Variants in RGSL1 observed in about 807,000 individuals in gnomAD.
RGSL1 encodes regulator of G protein signaling like 1.
RGSL1 carries 97 observed loss-of-function variants against 124.7 expected under a neutral mutation model. The ratio of observed to expected loss-of-function variants is 0.78; its 90% confidence interval spans 0.66 to 0.92. The LOEUF (loss-of-function observed/expected upper bound fraction) is 0.92, where lower values mean the gene tolerates loss of function less well. Among genes scored for constraint, RGSL1 ranks in the 40% least tolerant of loss-of-function variants. RGSL1 has a pLI of 0.00. For synonymous variants in RGSL1, 424 were observed against 438.1 expected (o/e 0.97, Z 0.40); for missense variants, 1,233 against 1,288.4 (o/e 0.96, Z 0.66).
chr1:182,548,043 G>A (rs1660325918), intron 15 of RGSL1, among the ~76,000 whole-genome samples: 2 of 152,212 alleles, frequency 1.3e-5, no homozygotes, highest in South Asian at 4.1e-4. Flanking sequence ...GTGCAATGCT[G>A]TAGGGCCAGA....
intron 15 of RGSL1, among the ~76,000 whole-genome samples, chr1:182,544,510 G>A (rs1262629416): frequency 6.6e-6 from 1 of 151,960 alleles, no homozygotes; most frequent in Non-Finnish European, 1.5e-5. Flanking sequence ...AGGCCTATTT[G>A]GTGTGGTGTG....
intron 8 of RGSL1, among the ~76,000 whole-genome samples, chr1:182,492,614 C>A (rs1273908166): frequency 1.4e-5 from 2 of 146,156 alleles, no homozygotes; most frequent in African/African-American, 5.1e-5. Context: ...ACACTATTGG[C>A]CTCTTTAAAT....
At chr1:182,534,809 A>G (rs1037071004) in intron 14 of RGSL1, among the ~76,000 whole-genome samples, 1 of 151,982 alleles carries the variant, frequency 6.6e-6, no homozygotes, top group Non-Finnish European at 1.5e-5. Flanking sequence ...TCTGGGTGAC[A>G]GAGCGAGACT....
At chr1:182,511,782 A>ATGTC (rs1657481712) in intron 9 of RGSL1, among the ~76,000 whole-genome samples, 1 of 152,210 alleles carries the variant, frequency 6.6e-6, no homozygotes, top group African/African-American at 2.4e-5. Context: ...TCTCTGAAGA[A>ATGTC]TGTCATTGGT....
rs564122684 is a variant in RGSL1 at position 182,551,539 on chromosome 1, C to G, written c.3043+330C>G. On this transcript the variant is annotated intron_variant, in intron 18 of 21. Coordinates refer to ENST00000294854, the MANE Select transcript of RGSL1 (RefSeq NM_001137669.2). ...CCCCCTGCTCTATCTCCATTAAACCCTCCCATTAAGAAAGCATTTATTTTA... is the reference window on the plus strand; with the variant it reads ...CCCCCTGCTCTATCTCCATTAAACCGTCCCATTAAGAAAGCATTTATTTTA... 3.1e-3 allele frequency among the ~76,000 whole-genome samples: 472 copies of G among 152,268 alleles called. 1 individual carries two copies. The highest frequency in any genetic ancestry group is 0.011 in the African/African-American group (450 of 41,546).
At chr1:182,450,199 T>G in intron 1 of RGSL1, 21 bp downstream of exon 1, 1 of 1,552,024 alleles carries the variant, frequency 6.4e-7, no homozygotes, top group South Asian at 1.2e-5. Context: ...GCCAGGGATG[T>G]CTCCAAGGCC....
chr1:182,509,820 C>G (rs1471262180), intron 9 of RGSL1, among the ~76,000 whole-genome samples: 1 of 113,502 alleles, frequency 8.8e-6, no homozygotes, highest in Admixed American at 7.9e-5. Flanking sequence ...GGGGGCTGAC[C>G]CCCCCCCACC....
chr1:182,469,085 G>A (rs928568064), intron 4 of RGSL1, among the ~76,000 whole-genome samples: 1 of 151,974 alleles, frequency 6.6e-6, no homozygotes, highest in Admixed American at 6.6e-5. Flanking sequence ...AACTTATGGA[G>A]GACAAAATGT....
At chr1:182,529,693 T>C (rs1659021623) in intron 11 of RGSL1, among the ~76,000 whole-genome samples, 1 of 152,194 alleles carries the variant, frequency 6.6e-6, no homozygotes, top group Non-Finnish European at 1.5e-5. Flanking sequence ...TAATGAATCT[T>C]TATTTGTAAG....
chr1:182,493,389 T>A (rs891194793), intron 9 of RGSL1, among the ~76,000 whole-genome samples: 11 of 152,246 alleles, frequency 7.2e-5, no homozygotes, highest in African/African-American at 2.7e-4. Flanking sequence ...TCTTATCTAG[T>A]TATCACTCTG....
Position 182,488,916 on chromosome 1 carries a change from A to C in RGSL1, c.1495-64A>C. On this transcript the variant is annotated intron_variant, in intron 7 of 21. Coordinates refer to ENST00000294854, the MANE Select transcript of RGSL1 (RefSeq NM_001137669.2). ...AGGCATGGAGCACTGAGTTATTACAAAATTATTGCTTCTGGTCTAGTTCCT... is the reference window on the plus strand; with the variant it reads ...AGGCATGGAGCACTGAGTTATTACACAATTATTGCTTCTGGTCTAGTTCCT... The C allele has an allele frequency of 3.0e-6, 4 of 1,355,062 alleles. No homozygotes were observed. In the South Asian group the frequency reaches 5.3e-5, roughly 18 times the overall value. 83.9% of individuals were successfully genotyped at this position (1,355,062 alleles called of 1,614,324 possible). A position where few individuals can be genotyped will look rare whatever the true frequency, so the allele number is the denominator to read the frequency against.
chr1:182,468,902 C>T (rs1257088989), intron 4 of RGSL1, among the ~76,000 whole-genome samples: 1 of 151,838 alleles, frequency 6.6e-6, no homozygotes, highest in East Asian at 1.9e-4. Flanking sequence ...ACAAGGGTGC[C>T]AAGACCATTC....
At chr1:182,471,472 G>A (rs1005235739) in intron 4 of RGSL1, 1 of 415,702 alleles carries the variant, frequency 2.4e-6, no homozygotes, top group African/African-American at 2.1e-5. Flanking sequence ...AATTATGTGT[G>A]TCTGTGTTGA....
intron 15 of RGSL1, among the ~76,000 whole-genome samples, chr1:182,547,502 T>C (rs1025528178): frequency 6.6e-6 from 1 of 152,102 alleles, no homozygotes; most frequent in Non-Finnish European, 1.5e-5. Context: ...CAAACTATTC[T>C]CTGTATAGCA....
intron 14 of RGSL1, among the ~76,000 whole-genome samples, chr1:182,536,545 A>G (rs1020667024): frequency 2.6e-5 from 4 of 152,186 alleles, no homozygotes; most frequent in African/African-American, 4.8e-5. Context: ...TTGTCTGATG[A>G]CTAATGATGT....
chr1:182,466,567 C>T (rs1304116428), intron 4 of RGSL1, among the ~76,000 whole-genome samples: 2 of 152,014 alleles, frequency 1.3e-5, no homozygotes, highest in Non-Finnish European at 2.9e-5. Flanking sequence ...ATTATGTGAA[C>T]AATTTCATTA....
rs778133496 is a variant in RGSL1 at position 182,473,723 on chromosome 1, G to C, written c.612G>C (p.Lys204Asn). The change falls in exon 6 of 22, where the codon AAG (lysine) becomes AAC (asparagine). Residue 204 changes from lysine (K) to asparagine (N), a missense_variant. Lys to Asn is a moderately conservative substitution (Grantham distance 94). Transcript: ENST00000294854. ...CCCACACCAAGATGACCATGGCCAA[G>C]GAGGAAGCATGCCATGGTCTGATGC... Reference protein sequence around the residue: ...FYTHTKMTMAKEEACHGLMQE... With the variant: ...FYTHTKMTMANEEACHGLMQE... 6.4e-7 allele frequency: 1 copy of C among 1,551,674 alleles called. No individual in the cohort carries two copies. The highest frequency in any genetic ancestry group is 8.7e-7 in the Non-Finnish European group (1 of 1,147,012).
intron 10 of RGSL1, among the ~76,000 whole-genome samples, chr1:182,523,444 G>C (rs534517710): frequency 6.6e-6 from 1 of 152,214 alleles, no homozygotes; most frequent in African/African-American, 2.4e-5. Context: ...ATTATTCTCT[G>C]AGGTTCAATC....
chr1:182,555,026 T>C (rs1002568483), intron 20 of RGSL1: 2 of 273,324 alleles, frequency 7.3e-6, no homozygotes, highest in South Asian at 5.8e-5. Flanking sequence ...AAGTGCAGTT[T>C]TGTTACATGG....
Sources: gnomAD v4.1 joint callset for allele counts (sites outside exome capture counted in the v4.1 genomes callset) on GRCh38, gnomAD v4.1.1 for gene constraint, MANE v1.5 for transcripts, NCBI Gene and HGNC (gene_info 2026-07-23, HGNC 2026-07-21) for gene names.